CNTNAP2: variants seen among roughly 807,000 people sequenced by gnomAD.
CNTNAP2 encodes contactin associated protein 2.
Under a neutral mutation model 155.2 loss-of-function variants are expected in CNTNAP2, and 98 were observed. The observed-to-expected ratio is 0.63, with a 90% CI of 0.54 to 0.75. The LOEUF (loss-of-function observed/expected upper bound fraction) is 0.75, where lower values mean the gene tolerates loss of function less well. Ranked by LOEUF, CNTNAP2 falls within the 30% of genes least tolerant of loss-of-function variation. The pLI is 0.00. For missense variants in CNTNAP2, 1,727 were observed against 1,688.1 expected (o/e 1.02, Z -0.40); for synonymous variants, 651 against 631.2 (o/e 1.03, Z -0.47).
At chr7:147,265,424 G>T (rs1002048442) in intron 8 of CNTNAP2, among the ~76,000 whole-genome samples, 2 of 152,108 alleles carry the variant, frequency 1.3e-5, no homozygotes, top group Admixed American at 6.5e-5. Flanking sequence ...GACAGACTCT[G>T]ACCCATCCCT....
At chr7:147,956,740 G>C (rs761829808) in intron 14 of CNTNAP2, among the ~76,000 whole-genome samples, 19 of 152,152 alleles carry the variant, frequency 1.2e-4, no homozygotes, top group Non-Finnish European at 2.1e-4. Context: ...AGATAGGTTT[G>C]GGGACAGGAA....
intron 1 of CNTNAP2, among the ~76,000 whole-genome samples, chr7:146,214,228 G>C (rs1376243798): frequency 6.6e-6 from 1 of 152,204 alleles, no homozygotes; most frequent in Non-Finnish European, 1.5e-5. Context: ...CTAAGGATGT[G>C]ATAAGGACTA....
chr7:146,859,841 A>G (rs1202616643), intron 3 of CNTNAP2, among the ~76,000 whole-genome samples: 3 of 152,018 alleles, frequency 2.0e-5, no homozygotes, highest in Non-Finnish European at 4.4e-5. Flanking sequence ...AGGAAAGAGA[A>G]CCAAAGATAG....
chr7:148,227,083 G>A (rs1321587394), intron 19 of CNTNAP2, among the ~76,000 whole-genome samples: 1 of 152,118 alleles, frequency 6.6e-6, no homozygotes, highest in Non-Finnish European at 1.5e-5. Flanking sequence ...TATGCTTCAG[G>A]GCTGGTCTTT....
chr7:147,771,252 G>C (rs1165858965), intron 13 of CNTNAP2, among the ~76,000 whole-genome samples: 1 of 152,028 alleles, frequency 6.6e-6, no homozygotes, highest in Admixed American at 6.6e-5. Flanking sequence ...GCTTTTAGAA[G>C]ATAATATAGG....
intron 1 of CNTNAP2, among the ~76,000 whole-genome samples, chr7:146,323,673 C>T (rs1216291082): frequency 2.0e-5 from 3 of 152,048 alleles, no homozygotes; most frequent in Admixed American, 2.0e-4. Context: ...AGAGGTATTG[C>T]TCTTCTAGGA....
At chr7:148,279,034 A>G (rs200461108) in intron 21 of CNTNAP2, among the ~76,000 whole-genome samples, 20 of 152,174 alleles carry the variant, frequency 1.3e-4, no homozygotes. Context: ...GAGTGGCAGG[A>G]GACAGATGAA....
intron 3 of CNTNAP2, among the ~76,000 whole-genome samples, chr7:146,870,017 T>C (rs1585130553): frequency 6.6e-6 from 1 of 152,182 alleles, no homozygotes; most frequent in Admixed American, 6.5e-5. Context: ...GCATCATAGT[T>C]CATCAATGAT....
At chr7:147,142,244 T>A (rs1395012995) in intron 8 of CNTNAP2, among the ~76,000 whole-genome samples, 2 of 152,178 alleles carry the variant, frequency 1.3e-5, no homozygotes, top group Non-Finnish European at 2.9e-5. Flanking sequence ...TTGAGATATG[T>A]CCCATCAATA....
chr7:148,295,510 G>A (rs1025800958), intron 21 of CNTNAP2, among the ~76,000 whole-genome samples: 1 of 131,686 alleles, frequency 7.6e-6, no homozygotes, highest in African/African-American at 2.8e-5. Context: ...TTTTTTTTTT[G>A]AGACGGAGTC....
chr7:147,284,423 G>A (rs924790890), intron 8 of CNTNAP2, among the ~76,000 whole-genome samples: 10 of 151,664 alleles, frequency 6.6e-5, no homozygotes, highest in Non-Finnish European at 1.2e-4. Context: ...CCTGTCTTAC[G>A]TAGCATGTAA....
At chr7:147,796,178 A>G (rs1289256646) in intron 13 of CNTNAP2, among the ~76,000 whole-genome samples, 1 of 152,202 alleles carries the variant, frequency 6.6e-6, no homozygotes, top group South Asian at 2.1e-4. Flanking sequence ...GTGGAGTCCT[A>G]TATCTATGTC....
At chr7:146,243,870 G>A (rs967514802) in intron 1 of CNTNAP2, among the ~76,000 whole-genome samples, 2 of 152,148 alleles carry the variant, frequency 1.3e-5, no homozygotes. Context: ...GTGCTAAAGT[G>A]TTGGGACAGC....
chr7:147,351,869 G>C (rs1245904784), intron 9 of CNTNAP2, among the ~76,000 whole-genome samples: 1 of 151,856 alleles, frequency 6.6e-6, no homozygotes, highest in Non-Finnish European at 1.5e-5. Context: ...TAAATTAAAG[G>C]CAAATAGGCA....
chr7:148,012,844 A>G (rs756973253), intron 15 of CNTNAP2, among the ~76,000 whole-genome samples: 1 of 152,124 alleles, frequency 6.6e-6, no homozygotes, highest in South Asian at 2.1e-4. Context: ...CTACACTAAT[A>G]CCCTGGCATG....
chr7:147,727,257 A>T (rs1796660877), intron 13 of CNTNAP2, among the ~76,000 whole-genome samples: 1 of 151,936 alleles, frequency 6.6e-6, no homozygotes, highest in African/African-American at 2.4e-5. Flanking sequence ...AGTAGGTATT[A>T]CATAAATGTG....
chr7:148,265,284 T>TTTGC, intron 20 of CNTNAP2, among the ~76,000 whole-genome samples: 1 of 152,288 alleles, frequency 6.6e-6, no homozygotes, highest in South Asian at 2.1e-4. Context: ...TGTTTGTTTG[T>TTTGC]TTGCTTCCAG....
At position 146,858,717 on chromosome 7, in the gene CNTNAP2, C is replaced by G. The variant is rs573262648; in HGVS notation, c.402+18813C>G. Among the ~76,000 whole-genome samples the G allele has an allele frequency of 2.6e-5, 4 of 152,236 alleles. No individual in the cohort carries two copies. The East Asian group carries it at 7.7e-4, about 29-fold the overall frequency. On this transcript the variant is annotated intron_variant, in intron 3 of 23. Transcript: ENST00000361727. Reference sequence around the variant, plus strand: ...CTCAAAAAATTAATCAATTAATGAACTATAAAATTTAGCTACCCCATATGT... The same window carrying G: ...CTCAAAAAATTAATCAATTAATGAAGTATAAAATTTAGCTACCCCATATGT...
chr7:147,530,799 T>C (rs1799417905), intron 11 of CNTNAP2, among the ~76,000 whole-genome samples: 1 of 152,158 alleles, frequency 6.6e-6, no homozygotes, highest in African/African-American at 2.4e-5. Context: ...TCTTAACTCA[T>C]TTCGACATTA....
Sources: gnomAD v4.1 joint callset for allele counts (sites outside exome capture counted in the v4.1 genomes callset) on GRCh38, gnomAD v4.1.1 for gene constraint, MANE v1.5 for transcripts, NCBI Gene and HGNC (gene_info 2026-07-23, HGNC 2026-07-21) for gene names.